The following EIF2AK3 variants were observed in gnomAD, a reference collection of about 807,000 sequenced individuals.
EIF2AK3 encodes eukaryotic translation initiation factor 2 alpha kinase 3, also known as eukaryotic translation initiation factor 2-alpha kinase 3.
A neutral mutation model predicts 113.5 loss-of-function variants in EIF2AK3; 50 were observed. That is an observed-to-expected ratio of 0.44 (90% CI 0.35 to 0.56). The LOEUF is 0.56. Among genes scored for constraint, EIF2AK3 ranks in the 20% least tolerant of loss-of-function variants. The pLI, the probability that EIF2AK3 is intolerant of heterozygous loss-of-function variation, is 0.00. For missense variants in EIF2AK3, 1,185 were observed against 1,378.0 expected, an observed-to-expected ratio of 0.86 and a Z score of 2.22; for synonymous variants, 448 against 495.4, an observed-to-expected ratio of 0.90 and a Z score of 1.27.
chr2:88,615,824 CCTT>C (rs1313759636), intron 1 of EIF2AK3, among the ~76,000 whole-genome samples: 1 of 152,168 alleles, frequency 6.6e-6, no homozygotes. Flanking sequence ...CTCTTCCTCT[CCTT>C]CTATGTTGAA....
chr2:88,564,372 T>C (rs373259512), intron 14 of EIF2AK3, among the ~76,000 whole-genome samples: 2 of 152,212 alleles, frequency 1.3e-5, no homozygotes, highest in Non-Finnish European at 2.9e-5. Context: ...ACAGTTTCTA[T>C]GTTTAAAGAG....
At chr2:88,582,280 G>T (rs577112362) in intron 10 of EIF2AK3, among the ~76,000 whole-genome samples, 4 of 152,164 alleles carry the variant, frequency 2.6e-5, no homozygotes, top group Non-Finnish European at 5.9e-5. Context: ...GGAGGTGTAA[G>T]AAAGAGTAGG....
chr2:88,601,634 A>G (rs1455909140), intron 2 of EIF2AK3, among the ~76,000 whole-genome samples: 1 of 152,170 alleles, frequency 6.6e-6, no homozygotes, highest in Non-Finnish European at 1.5e-5. Context: ...GGAGGCACAT[A>G]GTGTTTGCAT....
intron 1 of EIF2AK3, among the ~76,000 whole-genome samples, chr2:88,625,927 T>C (rs545242568): frequency 6.6e-6 from 1 of 152,346 alleles, no homozygotes; most frequent in East Asian, 1.9e-4. Flanking sequence ...TCCAGATATA[T>C]AGATCAAAGT....
intron 4 of EIF2AK3, 33 bp downstream of exon 4, chr2:88,593,239 T>C: frequency 6.2e-7 from 1 of 1,613,726 alleles, no homozygotes; most frequent in Middle Eastern, 1.7e-4. Context: ...TATTTCTAAA[T>C]AATACCAACA....
In EIF2AK3 at chr2:88,627,431, C is replaced by G. The variant is rs1675901239; in HGVS notation, c.-157G>C. 2.2e-6 allele frequency: 2 copies of G among 905,162 alleles called. No individual in the cohort carries two copies. Among genetic ancestry groups the G allele is most frequent in the Non-Finnish European group, 3.0e-6 (2 of 677,310 alleles). The allele number at this position is 905,162 out of a possible 1,614,324, so 56.1% of individuals were successfully genotyped here. A position where few individuals can be genotyped will look rare whatever the true frequency, so the allele number is the denominator to read the frequency against. ...CGTGTTCCCCTGGCCACGTCTCAGC[C>G]CGGCCTCTGCCGCTGCCACCTGAGT... On this transcript the variant is annotated 5_prime_UTR_variant, in exon 1 of 17. Transcript: ENST00000303236.
At chr2:88,601,145 C>G (rs1233191313) in intron 2 of EIF2AK3, among the ~76,000 whole-genome samples, 1 of 152,196 alleles carries the variant, frequency 6.6e-6, no homozygotes, top group Non-Finnish European at 1.5e-5. Flanking sequence ...AATTCCAAGT[C>G]TACATATTAC....
At chr2:88,616,722 C>T (rs1675577059) in intron 1 of EIF2AK3, among the ~76,000 whole-genome samples, 2 of 152,090 alleles carry the variant, frequency 1.3e-5, no homozygotes, top group Non-Finnish European at 2.9e-5. Context: ...CCCACCTGCC[C>T]GGCCTAAATA....
intron 3 of EIF2AK3, chr2:88,593,963 T>C: frequency 1.0e-6 from 1 of 991,152 alleles, no homozygotes; most frequent in Non-Finnish European, 1.2e-6. Flanking sequence ...GAAAACCAGG[T>C]GATCGGGTTC....
intron 2 of EIF2AK3, among the ~76,000 whole-genome samples, chr2:88,599,111 ACTCAAGAGT>A (rs1416989245): frequency 6.6e-6 from 1 of 152,096 alleles, no homozygotes; most frequent in African/African-American, 2.4e-5. Context: ...AAAGAAAGGT[ACTCAAGAGT>A]CTTGCAGGAG....
In EIF2AK3 at chr2:88,575,058, C is replaced by T. The variant is rs1279792355; in HGVS notation, c.2425G>A (p.Glu809Lys). The change falls in exon 13 of 17, where the codon GAA (glutamate) becomes AAA (lysine). Residue 809 changes from glutamate to lysine, a missense_variant. This residue lies in a region of EIF2AK3 where 877 missense variants were observed against 1,024.2 expected (regional missense o/e 0.86). Transcript: ENST00000303236. The stretch of plus-strand genomic sequence containing the variant: ...GAAGCATTATCACAGCCAGAATCTT[C>T]AAATACTATTGAAGAGGAGGTTCTC... ...RERTSSSIVF[E>K]DSGCDNASSK... 1.9e-6 allele frequency: 3 copies of T among 1,614,186 alleles called. No homozygotes were observed. Among genetic ancestry groups the T allele is most frequent in the Non-Finnish European group, 2.5e-6 (3 of 1,180,044 alleles).
chr2:88,595,770 A>G, intron 2 of EIF2AK3, 107 bp from the exon 3 acceptor site: 1 of 1,119,222 alleles, frequency 8.9e-7, no homozygotes, highest in Non-Finnish European at 1.3e-6. Context: ...AATAATAGTA[A>G]TTAAGAGCTG....
At position 88,593,270 on chromosome 2, in the gene EIF2AK3, A is replaced by C; in HGVS notation, c.767+2T>G. ...CAACAGCAACATTATCTGAATACACACTTCTCATTGCCACTGCGAGGTCCG... is the reference window on the plus strand; with the variant it reads ...CAACAGCAACATTATCTGAATACACCCTTCTCATTGCCACTGCGAGGTCCG... On this transcript the variant is annotated splice_donor_variant, in intron 4 of 16. Coordinates refer to ENST00000303236, the MANE Select transcript of EIF2AK3 (RefSeq NM_004836.7). LOFTEE classifies it high-confidence loss of function. The C allele has an allele frequency of 6.2e-7, 1 of 1,614,092 alleles. No homozygotes were observed. Among genetic ancestry groups the C allele is most frequent in the Non-Finnish European group, 8.5e-7 (1 of 1,179,968 alleles).
intron 2 of EIF2AK3, among the ~76,000 whole-genome samples, chr2:88,608,273 C>T (rs1391042031): frequency 6.6e-6 from 1 of 152,086 alleles, no homozygotes; most frequent in Non-Finnish European, 1.5e-5. Context: ...TGCTATGTGG[C>T]CCAGGCTGGC....
intron 2 of EIF2AK3, among the ~76,000 whole-genome samples, chr2:88,609,887 T>G (rs1216755595): frequency 7.7e-6 from 1 of 130,462 alleles, no homozygotes. Flanking sequence ...GGCAGGAGGA[T>G]AGCTTGAGCC....
Position 88,562,374 on chromosome 2 carries a change from T to G in EIF2AK3, c.3002A>C (p.Tyr1001Ser). The G allele has an allele frequency of 6.2e-7, 1 of 1,613,868 alleles. No individual in the cohort carries two copies. The highest frequency in any genetic ancestry group is 2.2e-5 in the East Asian group (1 of 44,856). Residue 1001 changes from tyrosine (Y) to serine (S), a missense_variant, in exon 15 of 17, where the codon TAT (tyrosine) becomes TCT (serine). Physicochemically the swap from Tyr to Ser is moderately radical, Grantham distance 144 (BLOSUM62 -2). Transcript: ENST00000303236. ...AGAAAAGATGTCCACTTTATGAGAA[T>G]AGCTGTTTCCATGAATCTGAAATCC... ...MSPEQIHGNS[Y>S]SHKVDIFSLG...
intron 15 of EIF2AK3, among the ~76,000 whole-genome samples, chr2:88,559,945 C>A (rs564178056): frequency 6.6e-6 from 1 of 152,190 alleles, no homozygotes; most frequent in Non-Finnish European, 1.5e-5. Context: ...TCTATGTTTT[C>A]ATTTCCCTTG....
chr2:88,622,752 T>C (rs1323422124), intron 1 of EIF2AK3, among the ~76,000 whole-genome samples: 1 of 152,170 alleles, frequency 6.6e-6, no homozygotes, highest in Non-Finnish European at 1.5e-5. Flanking sequence ...TTCAACATGG[T>C]ATTCTGATAT....
rs373029207 is a variant in EIF2AK3 at position 88,559,005 on chromosome 2, T to C, written c.3088-26A>G. On this transcript the variant is annotated intron_variant, in intron 15 of 16. Transcript: ENST00000303236. Reference sequence around the variant, plus strand: ...CTAAAAAGAAAAAAAGTATCACTTATTAAGTTTATTTTGACATACAACATG... The same window carrying C: ...CTAAAAAGAAAAAAAGTATCACTTACTAAGTTTATTTTGACATACAACATG... 70 of 1,470,410 alleles carry C rather than the reference T, an allele frequency of 4.8e-5. No homozygotes were observed. In the African/African-American group the frequency reaches 5.3e-4, roughly 11 times the overall value. The allele number at this position is 1,470,410 out of a possible 1,614,324, so 91.1% of individuals were successfully genotyped here.
Sources: gnomAD v4.1 joint callset for allele counts (sites outside exome capture counted in the v4.1 genomes callset) on GRCh38, gnomAD v4.1.1 for gene constraint, gnomAD v4.1.1 regional missense constraint, MANE v1.5 for transcripts, NCBI Gene and HGNC (gene_info 2026-07-23, HGNC 2026-07-21) for gene names.